Variants in CCDC154 observed in about 807,000 individuals in gnomAD.
CCDC154 encodes coiled-coil domain containing 154.
A neutral mutation model predicts 87.5 loss-of-function variants in CCDC154; 91 were observed. The observed-to-expected ratio is 1.04, with a 90% CI of 0.88 to 1.24. The LOEUF (loss-of-function observed/expected upper bound fraction) is 1.24, where lower values mean the gene tolerates loss of function less well. Ranked by LOEUF, CCDC154 falls within the 50% of genes most tolerant of loss-of-function variation. The probability of loss-of-function intolerance (pLI) is 0.00; values close to 1 mark genes in which losing one functional copy is unlikely to be tolerated. For missense variants in CCDC154, 903 were observed against 879.2 expected (o/e 1.03, Z -0.34); for synonymous variants, 418 against 400.4 (o/e 1.04, Z -0.52).
At chr16:1,434,560 C>T (rs1240772429) in intron 16 of CCDC154, 26 bp from the exon 17 acceptor site, 30 of 1,531,500 alleles carry the variant, frequency 2.0e-5, no homozygotes, top group Non-Finnish European at 2.5e-5. Flanking sequence ...GCACATGGCC[C>T]CTGCACCCCC....
chr16:1,443,215 C>T, intron 4 of CCDC154, 46 bp downstream of exon 4: 2 of 1,542,958 alleles, frequency 1.3e-6, no homozygotes, highest in Non-Finnish European at 1.7e-6. Context: ...TTTCTCGCCA[C>T]CACCTCCCCG....
chr16:1,438,863 A>C lies in CCDC154; in HGVS notation c.858T>G (p.Leu286=), dbSNP rs1555463179. The C allele has an allele frequency of 2.6e-6, 4 of 1,548,646 alleles. No homozygotes were observed. The highest frequency in any genetic ancestry group is 3.5e-6 in the Non-Finnish European group (4 of 1,146,478). Residue 286 remains leucine, a synonymous_variant, in exon 8 of 17, where the codon CTT becomes CTG. Transcript: ENST00000389176. ...GCAGGCGCTCCTCCATCAGCCCCCG[A>C]AGCTTCTCCCACCGGCTCTCCAGCT... is the stretch of plus-strand genomic sequence containing the variant. ...RGELESRWEK[L]RGLMEERLRA... is the part of the protein sequence containing the mutation.
intron 6 of CCDC154, among the ~76,000 whole-genome samples, chr16:1,440,857 A>G (rs2038545538): frequency 6.6e-6 from 1 of 151,966 alleles, no homozygotes; most frequent in Admixed American, 6.6e-5. Context: ...AAGCTGAGGC[A>G]GGAGAATGGT....
intron 5 of CCDC154, 150 bp from the exon 6 acceptor site, chr16:1,442,679 G>A: frequency 9.4e-7 from 1 of 1,061,454 alleles, no homozygotes; most frequent in Admixed American, 2.8e-5. Context: ...AGCACCGGTG[G>A]CAGGGAAGGG....
rs1391625538 is a variant in CCDC154 at position 1,436,439 on chromosome 16, C to T, written c.1487+6G>A. 2 of 1,547,376 alleles carry T rather than the reference C, an allele frequency of 1.3e-6. No homozygotes were observed. Among genetic ancestry groups the T allele is most frequent in the Admixed American group, 3.9e-5 (2 of 51,008 alleles). On this transcript the variant is annotated splice_donor_region_variant and intron_variant, in intron 13 of 16. Coordinates refer to ENST00000389176, the MANE Select transcript of CCDC154 (RefSeq NM_001143980.3). ...CTGCCCCTCTCCCAGGGCCTGGAGG[C>T]TGTACCTGGCCTTGCCTTCGGCGGA...
intron 13 of CCDC154, 107 bp from the exon 14 acceptor site, chr16:1,436,193 AG>A: frequency 2.0e-6 from 2 of 996,136 alleles, no homozygotes; most frequent in Admixed American, 4.5e-5. Flanking sequence ...AGGAGGCTCG[AG>A]GGGGCTCAGC....
Position 1,442,394 on chromosome 16 carries a change from GCCTGGTGGTA to G in CCDC154, c.675+2_675+11del. 1 of 1,543,404 alleles carries G rather than the reference GCCTGGTGGTA, an allele frequency of 6.5e-7. No homozygotes were observed. The highest frequency in any genetic ancestry group is 8.7e-7 in the Non-Finnish European group (1 of 1,143,440). On this transcript the variant is annotated splice_donor_variant and splice_donor_5th_base_variant and intron_variant, in intron 6 of 16. Coordinates refer to ENST00000389176, the MANE Select transcript of CCDC154 (RefSeq NM_001143980.3). LOFTEE classifies it high-confidence loss of function. ...TCTGGGCGGCCCCCCTGAAGCCTGGGCCTGGTGGTACCTGCATTCTGGCCACCTCCAGGTC... is the reference window on the plus strand; with the variant it reads ...TCTGGGCGGCCCCCCTGAAGCCTGGGCCTGCATTCTGGCCACCTCCAGGTC...
chr16:1,443,700 C>T lies in CCDC154; in HGVS notation c.225-5G>A, dbSNP rs1038481130. 7.7e-7 allele frequency: 1 copy of T among 1,293,506 alleles called. No homozygotes were observed. Among genetic ancestry groups the T allele is most frequent in the Non-Finnish European group, 1.0e-6 (1 of 992,932 alleles). 80.1% of individuals were successfully genotyped at this position (1,293,506 alleles called of 1,614,324 possible). A position where few individuals can be genotyped will look rare whatever the true frequency, so the allele number is the denominator to read the frequency against. ...TCGGCCTGCAGCTCCACCACCCTGG[C>T]CGGGGCGAGAGTGGGCGAGTCTGGC... On this transcript the variant is annotated splice_polypyrimidine_tract_variant and splice_region_variant and intron_variant, in intron 2 of 16. Coordinates refer to ENST00000389176, the MANE Select transcript of CCDC154 (RefSeq NM_001143980.3).
intron 11 of CCDC154, chr16:1,437,551 C>T: frequency 2.2e-6 from 1 of 450,224 alleles, no homozygotes; most frequent in East Asian, 3.6e-5. Flanking sequence ...CCGTGAGCTG[C>T]CCGCATGGCC....
chr16:1,435,154 G>T lies in CCDC154; in HGVS notation c.1627C>A (p.Leu543Met). ...LATFQNQIMK[L>M]ENCVQANKTI... The stretch of plus-strand genomic sequence containing the variant: ...TTGTTGGCCTGGACGCAGTTTTCCA[G>T]CTTCATTATTTGGTTCTGAAACTAA... Residue 543 changes from leucine to methionine, a missense_variant, in exon 15 of 17, where the codon CTG (leucine) becomes ATG (methionine). Coordinates refer to ENST00000389176, the MANE Select transcript of CCDC154 (RefSeq NM_001143980.3). The T allele has an allele frequency of 6.4e-7, 1 of 1,550,548 alleles. No individual in the cohort carries two copies. Among genetic ancestry groups the T allele is most frequent in the Non-Finnish European group, 8.7e-7 (1 of 1,146,866 alleles).
chr16:1,435,858 G>T, intron 14 of CCDC154, 111 bp downstream of exon 14: 1 of 917,494 alleles, frequency 1.1e-6, no homozygotes, highest in South Asian at 1.6e-5. Flanking sequence ...GTCTCCTGCT[G>T]GCTGGAAAAT....
intron 13 of CCDC154, 105 bp from the exon 14 acceptor site, chr16:1,436,191 C>T (rs1470138087): frequency 9.0e-6 from 9 of 1,004,762 alleles, no homozygotes; most frequent in Admixed American, 6.8e-5. Context: ...TAAGGAGGCT[C>T]GAGGGGGCTC....
At chr16:1,437,591 C>T in intron 11 of CCDC154, 1 of 532,700 alleles carries the variant, frequency 1.9e-6, no homozygotes, top group Non-Finnish European at 3.2e-6. Context: ...CAGCTCGGGC[C>T]TCACGGGCTG....
intron 14 of CCDC154, 111 bp downstream of exon 14, chr16:1,435,858 G>A: frequency 1.1e-6 from 1 of 917,496 alleles, no homozygotes; most frequent in Non-Finnish European, 1.7e-6. Flanking sequence ...GTCTCCTGCT[G>A]GCTGGAAAAT....
At chr16:1,435,452 C>T in intron 14 of CCDC154, 4 of 552,124 alleles carry the variant, frequency 7.2e-6, no homozygotes, top group Non-Finnish European at 9.7e-6. Context: ...AGGCAGGTGC[C>T]TCCACTTAGA....
At chr16:1,438,531 C>T (rs940850145) in intron 9 of CCDC154, 88 bp downstream of exon 9, 1 of 1,237,212 alleles carries the variant, frequency 8.1e-7, no homozygotes, top group Admixed American at 2.1e-5. Context: ...AAGGTCATTC[C>T]CTGCTGAGTC....
chr16:1,438,097 G>A lies in CCDC154; in HGVS notation c.1105C>T (p.Leu369=). 2 of 1,549,060 alleles carry A rather than the reference G, an allele frequency of 1.3e-6. No individual in the cohort carries two copies. Among genetic ancestry groups the A allele is most frequent in the Non-Finnish European group, 1.7e-6 (2 of 1,146,332 alleles). The stretch of plus-strand genomic sequence containing the variant: ...TCCTGCCGGGCCAGCTCGCCAGCCA[G>A]CTGTGCGGCCTCCAGGTTCTCCTGC... ...YVQENLEAAQ[L]AGELARQEMH... Residue 369 remains leucine (L), a synonymous_variant, in exon 10 of 17, where the codon CTG becomes TTG. Coordinates refer to ENST00000389176, the MANE Select transcript of CCDC154 (RefSeq NM_001143980.3).
In CCDC154 at chr16:1,438,070, TCTC is replaced by T. The variant is rs760941285; in HGVS notation, c.1129_1131del (p.Glu377del). ...CTCACCAGCACCAGCTCTCCATGCA[TCTC>T]CTGCCGGGCCAGCTCGCCAGCCAGC... is the stretch of plus-strand genomic sequence containing the variant. On this transcript the variant is annotated inframe_deletion, in exon 10 of 17. Transcript: ENST00000389176. 41 of 1,547,948 alleles carry T rather than the reference TCTC, an allele frequency of 2.6e-5. No individual in the cohort carries two copies. Among genetic ancestry groups the T allele is most frequent in the Non-Finnish European group, 3.3e-5 (38 of 1,145,684 alleles).
chr16:1,436,931 C>T, intron 11 of CCDC154, 120 bp from the exon 12 acceptor site: 4 of 1,337,158 alleles, frequency 3.0e-6, no homozygotes, highest in Non-Finnish European at 4.1e-6. Flanking sequence ...AGCTCTGAGA[C>T]ATTTGTGCAC....
Sources: gnomAD v4.1 joint callset for allele counts (sites outside exome capture counted in the v4.1 genomes callset) on GRCh38, gnomAD v4.1.1 for gene constraint, MANE v1.5 for transcripts, NCBI Gene and HGNC (gene_info 2026-07-23, HGNC 2026-07-21) for gene names.